RAPGEF1: variants seen among roughly 807,000 people sequenced by gnomAD.
RAPGEF1 encodes the protein CRK SH3-binding GNRP.
In RAPGEF1, 33 loss-of-function variants were observed where a neutral mutation model predicts 143.3. That is an observed-to-expected ratio of 0.23 (90% CI 0.17 to 0.31). The LOEUF (loss-of-function observed/expected upper bound fraction) is 0.31. Ranked by LOEUF, RAPGEF1 falls within the 10% of genes least tolerant of loss-of-function variation. The probability of loss-of-function intolerance (pLI) is 1.00; values close to 1 mark genes in which losing one functional copy is unlikely to be tolerated. For missense variants in RAPGEF1, 1,199 were observed against 1,645.4 expected (o/e 0.73, Z 4.69); for synonymous variants, 629 against 676.5 (o/e 0.93, Z 1.09).
intron 1 of RAPGEF1, among the ~76,000 whole-genome samples, chr9:131,693,004 G>T (rs1282565908): frequency 3.3e-5 from 5 of 152,116 alleles, no homozygotes; most frequent in Admixed American, 3.3e-4. Flanking sequence ...TGGCTAAGGG[G>T]CATACTCCAA....
intron 6 of RAPGEF1, 97 bp downstream of exon 6, chr9:131,630,139 C>T: frequency 6.2e-6 from 7 of 1,124,824 alleles, no homozygotes; most frequent in Non-Finnish European, 6.6e-6. Flanking sequence ...CAGCAGCCCA[C>T]CCTCATGCTG....
At chr9:131,657,815 A>ATCCCT (rs1303872975) in intron 1 of RAPGEF1, among the ~76,000 whole-genome samples, 80 of 152,332 alleles carry the variant, frequency 5.3e-4, no homozygotes, top group African/African-American at 1.9e-3. Context: ...TCTGACTTTC[A>ATCCCT]GACTTATCAT....
intron 4 of RAPGEF1, 131 bp downstream of exon 4, chr9:131,643,108 G>A: frequency 9.7e-7 from 1 of 1,032,396 alleles, no homozygotes; most frequent in Non-Finnish European, 1.4e-6. Flanking sequence ...AGTGGTCAGG[G>A]GAAGGATGAG....
intron 1 of RAPGEF1, among the ~76,000 whole-genome samples, chr9:131,733,572 A>T (rs1175282316): frequency 2.0e-5 from 3 of 152,158 alleles, no homozygotes; most frequent in Non-Finnish European, 4.4e-5. Context: ...TGGATGACAG[A>T]TCCCTTAATA....
chr9:131,717,764 CA>C lies in RAPGEF1; in HGVS notation c.61+22005del, dbSNP rs35660614. Among the ~76,000 whole-genome samples the C allele has an allele frequency of 3.5e-3, 363 of 104,442 alleles. 1 individual carries two copies. Among genetic ancestry groups the C allele is most frequent in the African/African-American group, 0.01 (242 of 23,606 alleles). 68.5% of individuals were successfully genotyped at this position (104,442 alleles called of 152,430 possible). A position where few individuals can be genotyped will look rare whatever the true frequency, so the allele number is the denominator to read the frequency against. ...CCTGTGCAACAGAGTGAGACTGTCTCAAAAAAAAAAAAAAAAGGCTACATTT... is the reference window on the plus strand; with the variant it reads ...CCTGTGCAACAGAGTGAGACTGTCTCAAAAAAAAAAAAAAAGGCTACATTT... On this transcript the variant is annotated intron_variant, in intron 1 of 26. Transcript: ENST00000683357.
In RAPGEF1 at chr9:131,625,788, C is replaced by G. The variant is rs1962822237; in HGVS notation, c.1702+134G>C. 4 of 1,228,692 alleles carry G rather than the reference C, an allele frequency of 3.3e-6. No homozygotes were observed. In the East Asian group the frequency reaches 9.7e-5, roughly 30 times the overall value. The allele number at this position is 1,228,692 out of a possible 1,614,324, so 76.1% of individuals were successfully genotyped here. A position where few individuals can be genotyped will look rare whatever the true frequency, so the allele number is the denominator to read the frequency against. ...ACAAAACCTGGCTCCCAGAAGTGTC[C>G]ACATACCTGGCTGGCCTATCTTTTA... On this transcript the variant is annotated intron_variant, in intron 10 of 26. Coordinates refer to ENST00000683357, the MANE Select transcript of RAPGEF1 (RefSeq NM_001377935.1).
At chr9:131,727,238 A>G (rs1037798310) in intron 1 of RAPGEF1, among the ~76,000 whole-genome samples, 2 of 152,154 alleles carry the variant, frequency 1.3e-5, no homozygotes, top group Admixed American at 6.5e-5. Context: ...CAGACAACAA[A>G]AATTCTATTT....
intron 1 of RAPGEF1, among the ~76,000 whole-genome samples, chr9:131,731,538 T>C (rs1251337094): frequency 6.6e-6 from 1 of 152,214 alleles, no homozygotes; most frequent in Non-Finnish European, 1.5e-5. Context: ...TCATTCCATG[T>C]CCTTCCTTCT....
chr9:131,613,592 G>GT (rs1186096094), intron 12 of RAPGEF1, among the ~76,000 whole-genome samples: 3 of 152,208 alleles, frequency 2.0e-5, no homozygotes, highest in African/African-American at 4.8e-5. Flanking sequence ...GCCCTGTGCA[G>GT]TATCAGCAAG....
chr9:131,687,561 T>G (rs1833456125), intron 1 of RAPGEF1, among the ~76,000 whole-genome samples: 1 of 152,146 alleles, frequency 6.6e-6, no homozygotes, highest in African/African-American at 2.4e-5. Flanking sequence ...TTCCTTAGAT[T>G]TCATTGTTTA....
chr9:131,714,613 C>T (rs528648576), intron 1 of RAPGEF1, among the ~76,000 whole-genome samples: 1 of 151,808 alleles, frequency 6.6e-6, no homozygotes, highest in Non-Finnish European at 1.5e-5. Context: ...TAAACAAAAG[C>T]GATGACCAGC....
intron 1 of RAPGEF1, among the ~76,000 whole-genome samples, chr9:131,653,304 T>A (rs1971581208): frequency 6.6e-6 from 1 of 152,234 alleles, no homozygotes; most frequent in South Asian, 2.1e-4. Context: ...TATTTTAAAA[T>A]CTGCATTATT....
At chr9:131,716,433 T>G (rs1035144862) in intron 1 of RAPGEF1, among the ~76,000 whole-genome samples, 1 of 152,140 alleles carries the variant, frequency 6.6e-6, no homozygotes, top group Non-Finnish European at 1.5e-5. Context: ...TTTGGAAGAC[T>G]TGGTGGAAAG....
intron 1 of RAPGEF1, among the ~76,000 whole-genome samples, chr9:131,706,826 G>A (rs1223131171): frequency 6.6e-6 from 1 of 152,134 alleles, no homozygotes; most frequent in African/African-American, 2.4e-5. Flanking sequence ...CCTGGTCAGT[G>A]GGGCCTGTGA....
At chr9:131,619,261 AAC>A (rs980850674) in intron 11 of RAPGEF1, 55 bp from the exon 12 acceptor site, 10 of 1,271,476 alleles carry the variant, frequency 7.9e-6, no homozygotes, top group Middle Eastern at 2.2e-4. Context: ...AGAAGCAGAG[AAC>A]AGTCAGGTCC....
At chr9:131,656,436 C>T (rs1564635201) in intron 1 of RAPGEF1, among the ~76,000 whole-genome samples, 1 of 152,202 alleles carries the variant, frequency 6.6e-6, no homozygotes, top group African/African-American at 2.4e-5. Flanking sequence ...CAGGCAGGTT[C>T]CCAAGTCAGA....
chr9:131,590,029 G>A (rs1482091625), intron 18 of RAPGEF1, 51 bp from the exon 19 acceptor site: 2 of 1,515,816 alleles, frequency 1.3e-6, no homozygotes, highest in African/African-American at 2.7e-5. Context: ...GGGTGGTGGA[G>A]TGGAGGACTG....
chr9:131,702,473 CCTTTCT>C (rs1834732944), intron 1 of RAPGEF1, among the ~76,000 whole-genome samples: 1 of 152,162 alleles, frequency 6.6e-6, no homozygotes, highest in Non-Finnish European at 1.5e-5. Context: ...CTTCCCATAC[CCTTTCT>C]CTGAGTCCCG....
intron 15 of RAPGEF1, 66 bp from the exon 16 acceptor site, chr9:131,598,376 A>G: frequency 7.1e-7 from 1 of 1,404,962 alleles, no homozygotes; most frequent in Non-Finnish European, 9.9e-7. Context: ...CTGGAGGCCA[A>G]GGCAGTGCCG....
Sources: gnomAD v4.1 joint callset for allele counts (sites outside exome capture counted in the v4.1 genomes callset) on GRCh38, gnomAD v4.1.1 for gene constraint, MANE v1.5 for transcripts, NCBI Gene and HGNC (gene_info 2026-07-23, HGNC 2026-07-21) for gene names.